GSE1: variants seen among roughly 807,000 people sequenced by gnomAD.
GSE1 encodes the protein Gse1 coiled-coil protein.
In GSE1, 32 loss-of-function variants were observed where a neutral mutation model predicts 112.6. The ratio of observed to expected loss-of-function variants is 0.28; its 90% CI spans 0.21 to 0.38. The LOEUF (loss-of-function observed/expected upper bound fraction) is 0.38. Ranked by LOEUF, GSE1 falls within the 10% of genes least tolerant of loss-of-function variation. GSE1 has a pLI of 1.00. For synonymous variants in GSE1, 1,115 were observed against 735.6 expected (o/e 1.52, Z -8.35); for missense variants, 2,348 against 1,699.2 (o/e 1.38, Z -6.71).
upstream of GSE1, among the ~76,000 whole-genome samples, chr16:85,612,922 GAGTTA>G (rs2048087801): frequency 6.6e-6 from 1 of 151,002 alleles, no homozygotes; most frequent in Non-Finnish European, 1.5e-5. Flanking sequence ...ACTACTTTAA[GAGTTA>G]AGTGGCCGGT....
At chr16:85,521,941 G>A (rs2052200561) in intron 2 of GSE1, among the ~76,000 whole-genome samples, 1 of 152,230 alleles carries the variant, frequency 6.6e-6, no homozygotes, top group Non-Finnish European at 1.5e-5. Flanking sequence ...GCGTGAAGCT[G>A]GGCCCCGCTC....
intron 1 of GSE1, among the ~76,000 whole-genome samples, chr16:85,279,466 G>T (rs1195112347): frequency 6.6e-6 from 1 of 150,928 alleles, no homozygotes; most frequent in Non-Finnish European, 1.5e-5. Context: ...AATTAGCCAG[G>T]CATGGTGATG....
At chr16:85,491,621 G>A (rs1042326958) in intron 2 of GSE1, among the ~76,000 whole-genome samples, 23 of 152,116 alleles carry the variant, frequency 1.5e-4, no homozygotes, top group African/African-American at 4.3e-4. Flanking sequence ...GGGCTCAGGC[G>A]GGGTCATGGC....
At chr16:85,211,457 C>A (rs1237581764) in intron 1 of GSE1, among the ~76,000 whole-genome samples, 1 of 152,208 alleles carries the variant, frequency 6.6e-6, no homozygotes, top group Admixed American at 6.5e-5. Context: ...CGTTCCTGTC[C>A]CACTCTGCCA....
rs189970926 is a variant in GSE1 at position 85,660,188 on chromosome 16, C to T, written c.1641-958C>T. ...AGAGTGGGTTTCCCCATGGAAAGTGCGGATGAGCGCTTGCCCTTAGGGGAA... is the reference window on the plus strand; with the variant it reads ...AGAGTGGGTTTCCCCATGGAAAGTGTGGATGAGCGCTTGCCCTTAGGGGAA... On this transcript the variant is annotated intron_variant, in intron 8 of 15. Transcript: ENST00000253458. Among the ~76,000 whole-genome samples, 64 of 152,312 alleles carry T rather than the reference C, an allele frequency of 4.2e-4. No homozygotes were observed. The East Asian group carries it at 0.01, about 24-fold the overall frequency.
chr16:85,382,571 G>T (rs932287427), intron 2 of GSE1, among the ~76,000 whole-genome samples: 1 of 152,200 alleles, frequency 6.6e-6, no homozygotes, highest in African/African-American at 2.4e-5. Flanking sequence ...GTACCTGCCT[G>T]TGCCCGGGCT....
rs73253234 is a variant in GSE1, at chr16:85,661,132, G to A, written c.1641-14G>A. The A allele has an allele frequency of 7.7e-6, 12 of 1,553,878 alleles. No homozygotes were observed. The highest frequency in any genetic ancestry group is 1.0e-5 in the Non-Finnish European group (12 of 1,145,386). On this transcript the variant is annotated splice_polypyrimidine_tract_variant and intron_variant, in intron 8 of 15. Coordinates refer to ENST00000253458, the MANE Select transcript of GSE1 (RefSeq NM_014615.5). ...TCTTTTCTCCCTGACTGAAGGGTTG[G>A]TTTCACTCCCTAGGCCAGGACCAAA...
At position 85,216,754 on chromosome 16, in the gene GSE1, C is replaced by G. The variant is rs367923696; in HGVS notation, c.2283+44947C>G. 5.3e-5 allele frequency among the ~76,000 whole-genome samples: 8 copies of G among 152,340 alleles called. No individual in the cohort carries two copies. The South Asian group carries it at 1.4e-3, about 28-fold the overall frequency. ...CTTAGAGGTGCTGTGTTCACCTCCT[C>G]CAGCCTCTGGGGGACTCCCTGGCCT... On this transcript the variant is annotated intron_variant, in intron 1 of 2. Coordinates refer to the GSE1 transcript ENST00000637419.
intron 1 of GSE1, among the ~76,000 whole-genome samples, chr16:85,318,306 C>T (rs997296768): frequency 2.0e-5 from 3 of 152,204 alleles, no homozygotes; most frequent in Admixed American, 2.0e-4. Flanking sequence ...CTCTGGGCCC[C>T]AGGCTATAGT....
At chr16:85,236,000 G>A (rs1904611541) in intron 1 of GSE1, among the ~76,000 whole-genome samples, 1 of 150,280 alleles carries the variant, frequency 6.7e-6, no homozygotes, top group South Asian at 2.1e-4. Context: ...CTGGGCCTGG[G>A]GCTGAGGCTG....
At chr16:85,456,331 C>T (rs1441256504) in intron 2 of GSE1, among the ~76,000 whole-genome samples, 1 of 152,120 alleles carries the variant, frequency 6.6e-6, no homozygotes, top group East Asian at 1.9e-4. Flanking sequence ...AGTGGGGAGG[C>T]CCTGTGAGAG....
chr16:85,322,401 C>T (rs536959273), intron 1 of GSE1, among the ~76,000 whole-genome samples: 17 of 152,270 alleles, frequency 1.1e-4, no homozygotes, highest in Admixed American at 9.8e-4. Flanking sequence ...ACACTGTTTG[C>T]ACTTTCAAAC....
chr16:85,420,028 A>G (rs1173110952), intron 2 of GSE1, among the ~76,000 whole-genome samples: 2 of 152,166 alleles, frequency 1.3e-5, no homozygotes, highest in African/African-American at 4.8e-5. Context: ...GGGATGCTGA[A>G]CAGAACAAGT....
chr16:85,338,495 C>A (rs2046553429), intron 1 of GSE1, among the ~76,000 whole-genome samples: 1 of 152,312 alleles, frequency 6.6e-6, no homozygotes, highest in East Asian at 1.9e-4. Context: ...ATAATGATAG[C>A]ACCTATGTCA....
chr16:85,654,538 A>G, intron 4 of GSE1, 88 bp downstream of exon 4: 2 of 1,170,276 alleles, frequency 1.7e-6, no homozygotes, highest in South Asian at 1.4e-5. Context: ...TGCGGTCTGC[A>G]CAGATGAGGC....
At chr16:85,234,479 TGGAGAC>T (rs1904391990) in intron 1 of GSE1, among the ~76,000 whole-genome samples, 1 of 152,192 alleles carries the variant, frequency 6.6e-6, no homozygotes, top group South Asian at 2.1e-4. Flanking sequence ...TTCTCTGCCC[TGGAGAC>T]GGATGGGCGG....
intron 1 of GSE1, among the ~76,000 whole-genome samples, chr16:85,222,347 G>T (rs2075409067): frequency 1.3e-5 from 2 of 152,230 alleles, no homozygotes; most frequent in Non-Finnish European, 2.9e-5. Flanking sequence ...CTCGGCATTG[G>T]TGGAGAGGTC....
intron 2 of GSE1, among the ~76,000 whole-genome samples, chr16:85,509,881 TC>T (rs1468955785): frequency 3.9e-5 from 6 of 152,194 alleles, no homozygotes. Flanking sequence ...CACGTCCTGA[TC>T]CCTTCGTCCC....
chr16:85,614,363 A>G (rs1012139501), intron 1 of GSE1, among the ~76,000 whole-genome samples: 1 of 151,346 alleles, frequency 6.6e-6, no homozygotes, highest in Non-Finnish European at 1.5e-5. Flanking sequence ...AATTCCCTTC[A>G]TGGAGGCGGA....
Sources: allele counts gnomAD v4.1 joint callset (sites outside exome capture counted in the v4.1 genomes callset), GRCh38; gene constraint gnomAD v4.1.1; transcripts MANE v1.5; gene names NCBI Gene and HGNC (gene_info 2026-07-23, HGNC 2026-07-21).